The following CORO1C variants were observed in gnomAD, a reference collection of about 807,000 sequenced individuals.
CORO1C encodes coronin 1C.
CORO1C carries 14 observed loss-of-function variants against 51.2 expected under a neutral mutation model. The observed-to-expected ratio is 0.27, with a 90% CI of 0.18 to 0.43. The LOEUF is 0.43. Ranked by LOEUF, CORO1C falls within the 20% of genes least tolerant of loss-of-function variation. The pLI is 1.00. For missense variants in CORO1C, 417 were observed against 607.8 expected, an observed-to-expected ratio of 0.69 and a Z score of 3.30; for synonymous variants, 181 against 210.5, an observed-to-expected ratio of 0.86 and a Z score of 1.21.
chr12:108,679,088 C>T (rs1413806338), intron 2 of CORO1C, among the ~76,000 whole-genome samples: 4 of 113,162 alleles, frequency 3.5e-5, no homozygotes, highest in South Asian at 2.8e-4. Flanking sequence ...TCCAGCCTGG[C>T]GACAGAGAGA....
chr12:108,684,343 C>T (rs2034227286), intron 2 of CORO1C, among the ~76,000 whole-genome samples: 1 of 152,160 alleles, frequency 6.6e-6, no homozygotes, highest in Non-Finnish European at 1.5e-5. Context: ...GCTTACAGAA[C>T]ACCTTGTTAC....
chr12:108,706,510 T>C (rs551211654), intron 1 of CORO1C, among the ~76,000 whole-genome samples: 5 of 152,302 alleles, frequency 3.3e-5, no homozygotes, highest in Admixed American at 1.3e-4. Context: ...GCTGAAGACA[T>C]GATCTTATAT....
intron 1 of CORO1C, among the ~76,000 whole-genome samples, chr12:108,719,467 A>G (rs151239276): frequency 1.3e-5 from 2 of 152,362 alleles, no homozygotes; most frequent in African/African-American, 4.8e-5. Context: ...CGATTAGATC[A>G]TTTTAACAGT....
intron 1 of CORO1C, among the ~76,000 whole-genome samples, chr12:108,712,559 C>T (rs767826029): frequency 3.1e-4 from 31 of 99,810 alleles, no homozygotes; most frequent in Admixed American, 9.0e-4. Context: ...GAACAACAAG[C>T]GAAACTGTCT....
chr12:108,645,663 T>G lies in CORO1C; in HGVS notation c.*1740A>C, dbSNP rs1027021065. The stretch of plus-strand genomic sequence containing the variant: ...GACAGCACTCCCAGTATTGGCTGGA[T>G]AAGAACATGGTCCTTTTTCTACACG... On this transcript the variant is annotated 3_prime_UTR_variant, in exon 11 of 11. Coordinates refer to ENST00000261401, the MANE Select transcript of CORO1C (RefSeq NM_014325.4). The G allele has an allele frequency of 8.5e-5, 13 of 152,226 alleles. No homozygotes were observed. Among genetic ancestry groups the G allele is most frequent in the Admixed American group, 5.2e-4 (8 of 15,286 alleles). The allele number at this position is 152,226 out of a possible 1,614,324, so 9.4% of individuals were successfully genotyped here.
At chr12:108,659,948 A>T (rs1464455904) in intron 4 of CORO1C, among the ~76,000 whole-genome samples, 1 of 152,220 alleles carries the variant, frequency 6.6e-6, no homozygotes, top group Non-Finnish European at 1.5e-5. Flanking sequence ...TCAGCTCACC[A>T]ACTCCTTCCT....
At chr12:108,666,660 G>T (rs1335830517) in intron 3 of CORO1C, among the ~76,000 whole-genome samples, 1 of 152,198 alleles carries the variant, frequency 6.6e-6, no homozygotes, top group Non-Finnish European at 1.5e-5. Context: ...TGTGTAATAT[G>T]GGATGCTGGC....
chr12:108,720,585 G>A (rs2035452233), intron 1 of CORO1C, among the ~76,000 whole-genome samples: 1 of 151,776 alleles, frequency 6.6e-6, no homozygotes, highest in Non-Finnish European at 1.5e-5. Context: ...GTGCAGTGGT[G>A]CGATCTCAGT....
chr12:108,655,886 G>C (rs1395393128), intron 6 of CORO1C, among the ~76,000 whole-genome samples: 1 of 149,656 alleles, frequency 6.7e-6, no homozygotes, highest in Non-Finnish European at 1.5e-5. Context: ...GCCCAGTCTG[G>C]GAAGTGAGGA....
chr12:108,703,166 T>C (rs1355253616), intron 1 of CORO1C: 3 of 411,916 alleles, frequency 7.3e-6, no homozygotes, highest in Non-Finnish European at 1.3e-5. Context: ...CTGTACAAGT[T>C]ATAGAAGCTG....
Position 108,648,800 on chromosome 12 carries a change from G to A in CORO1C, c.1110C>T (p.Ala370=), listed in dbSNP as rs775597406. The A allele has an allele frequency of 9.3e-6, 15 of 1,614,068 alleles. No homozygotes were observed. Among genetic ancestry groups the A allele is most frequent in the East Asian group, 2.2e-5 (1 of 44,894 alleles). Residue 370 remains alanine (A), a synonymous_variant, in exon 10 of 11, where the codon GCC becomes GCT. Transcript: ENST00000261401. ...CGAACCACTCTTCTGCCTCCAGCGC[G>A]GCCTCTGGCCCCGCTGTGTCAGGAT... ...DLYPDTAGPE[A]ALEAEEWFEG...
intron 2 of CORO1C, among the ~76,000 whole-genome samples, chr12:108,699,115 T>A (rs2034784143): frequency 6.6e-6 from 1 of 152,198 alleles, no homozygotes; most frequent in Non-Finnish European, 1.5e-5. Context: ...CATCTAAACA[T>A]GACAATTTGT....
rs1049995651 is a variant in CORO1C at position 108,645,214 on chromosome 12, C to G, written c.*2189G>C. ...CCTAGGAGTAATTCACTGTCCTCTT[C>G]TGGGATGTCATGGCTTAAAAAAAAA... On this transcript the variant is annotated 3_prime_UTR_variant, in exon 11 of 11. Transcript: ENST00000261401. The G allele has an allele frequency of 2.0e-5, 3 of 147,704 alleles. No individual in the cohort carries two copies. The highest frequency in any genetic ancestry group is 5.0e-5 in the African/African-American group (2 of 39,814). The allele number at this position is 147,704 out of a possible 1,614,324, so 9.1% of individuals were successfully genotyped here.
At chr12:108,674,987 C>T (rs2033853392) in intron 3 of CORO1C, among the ~76,000 whole-genome samples, 1 of 152,144 alleles carries the variant, frequency 6.6e-6, no homozygotes, top group South Asian at 2.1e-4. Flanking sequence ...TGCTATCAAA[C>T]AGCATCACAT....
chr12:108,663,153 A>C (rs1443222035), intron 3 of CORO1C, among the ~76,000 whole-genome samples: 2 of 152,252 alleles, frequency 1.3e-5, no homozygotes, highest in Non-Finnish European at 2.9e-5. Flanking sequence ...GCTAGAATCA[A>C]AAAGACAGAT....
At chr12:108,659,064 T>C (rs923307462) in intron 4 of CORO1C, 145 bp from the exon 5 acceptor site, 4 of 826,690 alleles carry the variant, frequency 4.8e-6, no homozygotes, top group Non-Finnish European at 6.9e-6. Context: ...ATGCGGCTGA[T>C]TGTCAGAGGC....
intron 2 of CORO1C, among the ~76,000 whole-genome samples, chr12:108,693,410 C>T (rs1454695936): frequency 8.6e-5 from 13 of 151,990 alleles, no homozygotes; most frequent in African/African-American, 3.1e-4. Flanking sequence ...CTGCTTTTTC[C>T]TAAAGATGAT....
chr12:108,655,119 G>A (rs538610348), intron 6 of CORO1C, among the ~76,000 whole-genome samples: 1 of 152,204 alleles, frequency 6.6e-6, no homozygotes, highest in African/African-American at 2.4e-5. Context: ...AGCCCAGTGG[G>A]TGACAGAAGC....
At chr12:108,704,203 C>T (rs1304974011) in intron 1 of CORO1C, among the ~76,000 whole-genome samples, 3 of 152,160 alleles carry the variant, frequency 2.0e-5, no homozygotes, top group African/African-American at 7.2e-5. Flanking sequence ...TTCCACCAGG[C>T]GCAGTGGCTC....
Sources: allele counts gnomAD v4.1 joint callset (sites outside exome capture counted in the v4.1 genomes callset), GRCh38; gene constraint gnomAD v4.1.1; transcripts MANE v1.5; gene names NCBI Gene and HGNC (gene_info 2026-07-23, HGNC 2026-07-21).